WASF2: variants seen among roughly 807,000 people sequenced by gnomAD.
WASF2 encodes the protein WASP family member 2.
WASF2 carries 14 observed loss-of-function variants against 45.0 expected under a neutral mutation model. The ratio of observed to expected loss-of-function variants is 0.31; its 90% CI spans 0.21 to 0.49. The LOEUF (loss-of-function observed/expected upper bound fraction) is 0.49, where lower values mean the gene tolerates loss of function less well. Among genes scored for constraint, WASF2 ranks in the 20% least tolerant of loss-of-function variants. The pLI, the probability that WASF2 is intolerant of heterozygous loss-of-function variation, is 0.99. For synonymous variants in WASF2, 200 were observed against 236.3 expected, an observed-to-expected ratio of 0.85 and a Z score of 1.41; for missense variants, 439 against 636.1, an observed-to-expected ratio of 0.69 and a Z score of 3.33.
intron 1 of WASF2, among the ~76,000 whole-genome samples, chr1:27,486,209 T>A (rs2017921446): frequency 6.6e-6 from 1 of 152,200 alleles, no homozygotes; most frequent in African/African-American, 2.4e-5. Context: ...ATAAAATACA[T>A]CTGATTTAAA....
intron 2 of WASF2, among the ~76,000 whole-genome samples, chr1:27,423,437 C>T (rs2016935566): frequency 1.3e-5 from 2 of 152,312 alleles, no homozygotes; most frequent in South Asian, 4.1e-4. Context: ...CCGCCTTGGC[C>T]TCCTCAAGTG....
chr1:27,408,210 A>G lies in WASF2; in HGVS notation c.1476T>C (p.Asp492=). The stretch of plus-strand genomic sequence containing the variant: ...AGAGTTAATCGGACCAGTCGTCCTC[A>G]TCAAATTCAGAGGAGTCATCTTCTG... ...SDSEDDSSEF[D]EDDWSD is the part of the protein sequence containing the mutation. The change falls in exon 9 of 9, where the codon GAT becomes GAC. Residue 492 remains aspartate, a synonymous_variant. Transcript: ENST00000618852. 6.2e-7 allele frequency: 1 copy of G among 1,614,116 alleles called. No homozygotes were observed. The highest frequency in any genetic ancestry group is 8.5e-7 in the Non-Finnish European group (1 of 1,179,974).
At chr1:27,416,569 A>G (rs1180930934) in intron 4 of WASF2, among the ~76,000 whole-genome samples, 1 of 152,238 alleles carries the variant, frequency 6.6e-6, no homozygotes, top group Admixed American at 6.5e-5. Flanking sequence ...ATGTGTATGC[A>G]TATGTACACA....
rs2148102176 is a variant in WASF2 at position 27,416,259 on chromosome 1, A to G, written c.420-157T>C. On this transcript the variant is annotated intron_variant, in intron 4 of 8. Coordinates refer to ENST00000618852, the MANE Select transcript of WASF2 (RefSeq NM_006990.5). ...CCTCCTCTCCCATACCAGCATTTCA[A>G]TGCCCCCGAATGGCACCTCTCTACT... is the stretch of plus-strand genomic sequence containing the variant. Among the ~76,000 whole-genome samples the G allele has an allele frequency of 2.0e-5, 3 of 152,282 alleles. No individual in the cohort carries two copies. In the East Asian group the frequency reaches 5.8e-4, roughly 29 times the overall value.
At position 27,489,348 on chromosome 1, in the gene WASF2, T is replaced by TACACACACACAC. The variant is rs10636716; in HGVS notation, c.-44+626_-44+637dup. ...AACGAGCACCTCAATTACTTCATGGTACACACACACACACACACACACACA... is the reference window on the plus strand; with the variant it reads ...AACGAGCACCTCAATTACTTCATGGTACACACACACACACACACACACACACACACACACACA... On this transcript the variant is annotated intron_variant, in intron 1 of 8. Transcript: ENST00000618852. Among the ~76,000 whole-genome samples the TACACACACACAC allele has an allele frequency of 6.9e-4, 7 of 10,102 alleles. 1 individual carries two copies. The highest frequency in any genetic ancestry group is 1.9e-3 in the African/African-American group (5 of 2,660). The allele number at this position is 10,102 out of a possible 152,430, so 6.6% of individuals were successfully genotyped here. A position where few individuals can be genotyped will look rare whatever the true frequency, so the allele number is the denominator to read the frequency against.
chr1:27,411,782 G>A (rs936515339), intron 7 of WASF2, among the ~76,000 whole-genome samples: 2 of 152,258 alleles, frequency 1.3e-5, no homozygotes, highest in Non-Finnish European at 2.9e-5. Context: ...AGAATGGCAT[G>A]AACCCGGGAG....
At chr1:27,447,605 G>C (rs1339630520) in intron 1 of WASF2, among the ~76,000 whole-genome samples, 1 of 152,222 alleles carries the variant, frequency 6.6e-6, no homozygotes, top group African/African-American at 2.4e-5. Flanking sequence ...CGAAAAGACA[G>C]TGACATGGGT....
chr1:27,438,226 G>A (rs1460532795), intron 1 of WASF2, among the ~76,000 whole-genome samples: 3 of 152,182 alleles, frequency 2.0e-5, no homozygotes, highest in African/African-American at 4.8e-5. Flanking sequence ...CATACTATGC[G>A]ATGGAGAAGA....
rs764288164 is a variant in WASF2 at position 27,409,736 on chromosome 1, G to A, written c.1295C>T (p.Ala432Val). The A allele has an allele frequency of 6.6e-7, 1 of 1,517,914 alleles. No homozygotes were observed. Among genetic ancestry groups the A allele is most frequent in the South Asian group, 1.4e-5 (1 of 74,030 alleles). The allele number at this position is 1,517,914 out of a possible 1,614,324, so 94.0% of individuals were successfully genotyped here. ...CAGGTCGCTACGGGCATCGCTCACG[G>A]CAGGCAAGGAGGACTTGGGCTTGGT... The part of the protein sequence containing the change: ...DTTKPKSSLP[A>V]VSDARSDLLS... Residue 432 changes from alanine to valine, a missense_variant, in exon 8 of 9, where the codon GCC becomes GTC. Transcript: ENST00000618852.
chr1:27,447,434 C>G (rs895984365), intron 1 of WASF2, among the ~76,000 whole-genome samples: 1 of 152,190 alleles, frequency 6.6e-6, no homozygotes, highest in African/African-American at 2.4e-5. Flanking sequence ...CTCTGCCTCA[C>G]TGATACCATT....
intron 1 of WASF2, among the ~76,000 whole-genome samples, chr1:27,471,400 C>A (rs1287829456): frequency 6.6e-6 from 1 of 150,688 alleles, no homozygotes; most frequent in Admixed American, 6.6e-5. Flanking sequence ...AACCTGTGAT[C>A]CCAGCACTCT....
At chr1:27,464,755 G>A (rs1199750289) in intron 1 of WASF2, among the ~76,000 whole-genome samples, 1 of 152,192 alleles carries the variant, frequency 6.6e-6, no homozygotes, top group Non-Finnish European at 1.5e-5. Context: ...TTGAGACAGA[G>A]TCTCGCTCTG....
At chr1:27,420,800 T>G (rs913163347) in intron 2 of WASF2, among the ~76,000 whole-genome samples, 1 of 151,990 alleles carries the variant, frequency 6.6e-6, no homozygotes, top group Admixed American at 6.6e-5. Context: ...TGGGATTACA[T>G]GCATGAGCCA....
At chr1:27,487,549 T>A (rs1280766595) in intron 1 of WASF2, among the ~76,000 whole-genome samples, 3 of 106,772 alleles carry the variant, frequency 2.8e-5, no homozygotes, top group Middle Eastern at 3.9e-3. Context: ...TAATATATAT[T>A]ATATATATTT....
intron 1 of WASF2, among the ~76,000 whole-genome samples, chr1:27,445,651 C>T (rs1005486272): frequency 9.2e-5 from 14 of 152,202 alleles, no homozygotes; most frequent in African/African-American, 3.4e-4. Context: ...ACAACATAAA[C>T]ACAGGCTTAT....
At chr1:27,456,183 G>A (rs183856289) in intron 1 of WASF2, among the ~76,000 whole-genome samples, 5 of 151,950 alleles carry the variant, frequency 3.3e-5, no homozygotes, top group East Asian at 1.9e-4. Flanking sequence ...TTAGCCAGGC[G>A]TGGTGGCGGG....
chr1:27,429,198 T>A (rs139909973), intron 1 of WASF2, among the ~76,000 whole-genome samples: 1 of 151,888 alleles, frequency 6.6e-6, no homozygotes, highest in African/African-American at 2.4e-5. Flanking sequence ...ATAGGCAGCA[T>A]AGAAACATTA....
chr1:27,461,854 G>C (rs1239225180), intron 1 of WASF2, among the ~76,000 whole-genome samples: 1 of 151,940 alleles, frequency 6.6e-6, no homozygotes, highest in Non-Finnish European at 1.5e-5. Context: ...GTAGAGACAG[G>C]GTTTCACCAT....
chr1:27,444,272 G>C (rs1407414913), intron 1 of WASF2, among the ~76,000 whole-genome samples: 20 of 152,084 alleles, frequency 1.3e-4, no homozygotes, highest in Non-Finnish European at 1.5e-5. Flanking sequence ...TAGGAACAGG[G>C]TCTTACTATG....
Sources: gnomAD v4.1 joint callset for allele counts (sites outside exome capture counted in the v4.1 genomes callset) on GRCh38, gnomAD v4.1.1 for gene constraint, MANE v1.5 for transcripts, NCBI Gene and HGNC (gene_info 2026-07-23, HGNC 2026-07-21) for gene names.